Variants in CR1 observed in about 807,000 individuals in gnomAD.
CR1 encodes complement C3b/C4b receptor 1 (Knops blood group), also known as complement receptor type 1.
A neutral mutation model predicts 187.3 loss-of-function variants in CR1; 116 were observed. The ratio of observed to expected loss-of-function variants is 0.62; its 90% confidence interval spans 0.53 to 0.72. CR1 has a LOEUF of 0.72. Among genes scored for constraint, CR1 ranks in the 30% least tolerant of loss-of-function variants. The pLI, the probability that CR1 is intolerant of heterozygous loss-of-function variation, is 0.00. For missense variants in CR1, 1,731 were observed against 2,110.7 expected (o/e 0.82, Z 3.52); for synonymous variants, 576 against 747.1 (o/e 0.77, Z 3.73).
chr1:207,515,016 CACACACACACAT>C (rs1571507866), intron 4 of CR1, among the ~76,000 whole-genome samples: 1 of 146,534 alleles, frequency 6.8e-6, no homozygotes, highest in East Asian at 2.0e-4. Flanking sequence ...CACACACACA[CACACACACACAT>C]ATATACATAT....
At chr1:207,580,486 CT>C (rs75072508) in intron 30 of CR1, 24 bp from the exon 31 acceptor site, 121,837 of 1,045,224 alleles carry the variant, frequency 0.12, no homozygotes, top group South Asian at 0.14. Context: ...CCTATTTTTT[CT>C]TTTTTTTTTT....
In CR1 at chr1:207,565,741, T is replaced by G. The variant is rs1222243664; in HGVS notation, c.3867-97T>G. The G allele has an allele frequency of 2.0e-6, 3 of 1,534,786 alleles. 1 individual carries two copies. Among genetic ancestry groups the G allele is most frequent in the Non-Finnish European group, 2.7e-6 (3 of 1,115,910 alleles). On this transcript the variant is annotated intron_variant, in intron 23 of 46. Transcript: ENST00000367049. ...AACTCTGCCATCTGCTGGCCTCAGA[T>G]CCTCAAAATCCTGAAATTGGGGCTG...
chr1:207,587,439 A>G lies in CR1; in HGVS notation c.5584A>G (p.Asn1862Asp). The G allele has an allele frequency of 6.2e-7, 1 of 1,613,926 alleles. No homozygotes were observed. The highest frequency in any genetic ancestry group is 8.5e-7 in the Non-Finnish European group (1 of 1,179,818). Residue 1862 changes from asparagine (N) to aspartate (D), a missense_variant, in exon 34 of 47, where the codon AAT becomes GAT. This residue lies in a region of CR1 where 1,312 missense variants were observed against 1,379.6 expected (regional missense o/e 0.95). Coordinates refer to ENST00000367049, the MANE Select transcript of CR1 (RefSeq NM_000651.6). ...ATTTGCCAGTCCTACGATCCCAATT[A>G]ATGACTTTGAGTTTCCAGTCGGGAC... ...FPFASPTIPI[N>D]DFEFPVGTSL...
In CR1 at chr1:207,523,662, C is replaced by T. The variant is rs754020848; in HGVS notation, c.539C>T (p.Thr180Ile). 6 of 1,613,782 alleles carry T rather than the reference C, an allele frequency of 3.7e-6. No individual in the cohort carries two copies. Among genetic ancestry groups the T allele is most frequent in the African/African-American group, 1.3e-5 (1 of 74,900 alleles). The change falls in exon 5 of 47, where the codon ACC becomes ATC. Residue 180 changes from threonine to isoleucine, a missense_variant. By Grantham distance (89) the Thr-to-Ile change is moderately conservative. Transcript: ENST00000367049. Reference sequence around the variant, plus strand: ...ATCACCAATGGAGATTTCATTAGCACCAACAGAGAGAATTTTCACTATGGA... The same window carrying T: ...ATCACCAATGGAGATTTCATTAGCATCAACAGAGAGAATTTTCACTATGGA... ...PTITNGDFIS[T>I]NRENFHYGSV...
intron 31 of CR1, among the ~76,000 whole-genome samples, chr1:207,581,355 T>A (rs1198387919): frequency 7.5e-6 from 1 of 134,176 alleles, no homozygotes; most frequent in East Asian, 2.0e-4. Context: ...TACGTATACA[T>A]GTCCATATGT....
chr1:207,520,009 C>G (rs1659926110), intron 4 of CR1, among the ~76,000 whole-genome samples: 1 of 152,224 alleles, frequency 6.6e-6, no homozygotes, highest in African/African-American at 2.4e-5. Context: ...TTAGGCTAAA[C>G]TTGATTTAAC....
At chr1:207,631,304 C>A (rs1037444641) in intron 46 of CR1, among the ~76,000 whole-genome samples, 1 of 152,180 alleles carries the variant, frequency 6.6e-6, no homozygotes, top group African/African-American at 2.4e-5. Flanking sequence ...AAAACTACCA[C>A]CTGTGAGCCA....
chr1:207,582,877 G>A (rs536164508), intron 32 of CR1, among the ~76,000 whole-genome samples: 3 of 152,304 alleles, frequency 2.0e-5, no homozygotes, highest in African/African-American at 7.2e-5. Flanking sequence ...GAAATGCAGG[G>A]GACTGCATGA....
intron 35 of CR1, among the ~76,000 whole-genome samples, chr1:207,605,257 CAAA>C (rs200443731): frequency 1.2e-5 from 1 of 81,382 alleles, no homozygotes; most frequent in Admixed American, 1.2e-4. Context: ...CAGACCCTGT[CAAA>C]AAAAAAAAAA....
At chr1:207,619,687 T>TA (rs1662258065) in intron 42 of CR1, among the ~76,000 whole-genome samples, 193 bp from the exon 43 acceptor site, 1 of 152,202 alleles carries the variant, frequency 6.6e-6, no homozygotes, top group Admixed American at 6.5e-5. Context: ...TCTATTACTT[T>TA]ACATTAAGAA....
chr1:207,566,020 G>C, intron 24 of CR1, 97 bp downstream of exon 24: 3 of 1,474,464 alleles, frequency 2.0e-6, no homozygotes, highest in Non-Finnish European at 2.8e-6. Flanking sequence ...CAATATTCTA[G>C]TCTTAATTAT....
chr1:207,523,552 G>T (rs185398685), intron 4 of CR1, 59 bp from the exon 5 acceptor site: 20 of 1,605,252 alleles, frequency 1.2e-5, no homozygotes, highest in Admixed American at 1.2e-4. Context: ...TGACTCATGA[G>T]ATTTCTGTCA....
intron 31 of CR1, among the ~76,000 whole-genome samples, chr1:207,581,502 GATAA>G (rs5780395): frequency 0.48 from 68,384 of 142,252 alleles, 17,954 homozygotes; most frequent in Non-Finnish European, 0.59. Flanking sequence ...GACATGAAGA[GATAA>G]ATAAATATTC....
At chr1:207,497,476 A>G (rs1374768592) in intron 1 of CR1, among the ~76,000 whole-genome samples, 2 of 152,174 alleles carry the variant, frequency 1.3e-5, no homozygotes. Context: ...GACATTTTAC[A>G]TTCATTATTT....
chr1:207,614,510 A>G (rs1348656593), intron 40 of CR1, 21 bp downstream of exon 40: 2 of 1,595,614 alleles, frequency 1.3e-6, no homozygotes, highest in African/African-American at 2.7e-5. Context: ...AGAACTATGT[A>G]GTTTGGATAG....
chr1:207,507,441 G>C (rs1185397147), intron 3 of CR1: 1 of 152,276 alleles, frequency 6.6e-6, no homozygotes, highest in Non-Finnish European at 1.5e-5. Context: ...TTCCCTCTGG[G>C]TCTGTGTCCT....
chr1:207,565,086 T>G (rs975132914), intron 23 of CR1, among the ~76,000 whole-genome samples: 1 of 149,912 alleles, frequency 6.7e-6, no homozygotes, highest in African/African-American at 2.5e-5. Flanking sequence ...GGTCATTACC[T>G]TGTTTATGTC....
intron 39 of CR1, among the ~76,000 whole-genome samples, chr1:207,614,200 G>A (rs1259871610): frequency 6.6e-6 from 1 of 152,176 alleles, no homozygotes; most frequent in African/African-American, 2.4e-5. Flanking sequence ...TGGTTCTTTA[G>A]AATAAATTGG....
intron 23 of CR1, among the ~76,000 whole-genome samples, chr1:207,565,565 C>A (rs1286351329): frequency 6.7e-6 from 1 of 150,158 alleles, no homozygotes; most frequent in East Asian, 1.9e-4. Flanking sequence ...AAACTCCAAG[C>A]CTGGGTCCTG....
Sources: gnomAD v4.1 joint callset for allele counts (sites outside exome capture counted in the v4.1 genomes callset) on GRCh38, gnomAD v4.1.1 for gene constraint, gnomAD v4.1.1 regional missense constraint, MANE v1.5 for transcripts, NCBI Gene and HGNC (gene_info 2026-07-23, HGNC 2026-07-21) for gene names.